Variants in MYT1L observed in about 807,000 individuals in gnomAD.
MYT1L encodes myelin transcription factor 1-like protein.
MYT1L carries 12 observed loss-of-function variants against 126.7 expected under a neutral mutation model. The ratio of observed to expected loss-of-function variants is 0.09; its 90% confidence interval spans 0.06 to 0.15. The LOEUF (loss-of-function observed/expected upper bound fraction) is 0.15. Among genes scored for constraint, MYT1L ranks in the 10% least tolerant of loss-of-function variants. MYT1L has a pLI of 1.00. For missense variants in MYT1L, 979 were observed against 1,585.2 expected (o/e 0.62, Z 6.49); for synonymous variants, 541 against 604.2 (o/e 0.90, Z 1.53).
intron 8 of MYT1L, among the ~76,000 whole-genome samples, chr2:1,958,273 C>T (rs1221896253): frequency 1.3e-5 from 2 of 152,018 alleles, no homozygotes; most frequent in Admixed American, 1.3e-4. Flanking sequence ...GCAGATGGAA[C>T]CCAGAGAGCC....
chr2:1,865,979 G>A (rs1385709483), intron 18 of MYT1L, among the ~76,000 whole-genome samples: 2 of 152,202 alleles, frequency 1.3e-5, no homozygotes, highest in African/African-American at 4.8e-5. Context: ...TTGAACCCAA[G>A]CTGTCCCACC....
chr2:2,150,452 A>G (rs988726924), intron 3 of MYT1L, among the ~76,000 whole-genome samples: 2 of 152,230 alleles, frequency 1.3e-5, no homozygotes, highest in African/African-American at 4.8e-5. Flanking sequence ...TAACTTGAAA[A>G]AAATAAGTCA....
intron 18 of MYT1L, among the ~76,000 whole-genome samples, chr2:1,872,329 G>A (rs1244953043): frequency 6.6e-6 from 1 of 152,180 alleles, no homozygotes; most frequent in Non-Finnish European, 1.5e-5. Context: ...CCAGAATTAA[G>A]GCAGTTTGAA....
At chr2:1,983,354 T>C (rs1558625296) in intron 5 of MYT1L, among the ~76,000 whole-genome samples, 2 of 152,246 alleles carry the variant, frequency 1.3e-5, no homozygotes, top group African/African-American at 2.4e-5. Flanking sequence ...TTCTTTCCCT[T>C]TCAGCCAATG....
intron 4 of MYT1L, among the ~76,000 whole-genome samples, chr2:2,019,234 G>A (rs2064773355): frequency 6.6e-6 from 1 of 152,066 alleles, no homozygotes; most frequent in Admixed American, 6.6e-5. Context: ...TGCTGTTCTT[G>A]TGACAGTGAG....
At chr2:1,822,718 T>C (rs4581923) in intron 21 of MYT1L, among the ~76,000 whole-genome samples, 51,181 of 151,740 alleles carry the variant, frequency 0.34, 9,469 homozygotes, top group East Asian at 0.65. Flanking sequence ...GATATCTGGG[T>C]CCCTGGCAGT....
chr2:2,262,043 G>C (rs2094981332), intron 2 of MYT1L, among the ~76,000 whole-genome samples: 1 of 152,180 alleles, frequency 6.6e-6, no homozygotes, highest in African/African-American at 2.4e-5. Flanking sequence ...ATCCATGGGT[G>C]CAATTGAGAC....
chr2:1,927,145 C>T (rs2149138971), intron 9 of MYT1L, among the ~76,000 whole-genome samples: 1 of 152,264 alleles, frequency 6.6e-6, no homozygotes, highest in South Asian at 2.1e-4. Flanking sequence ...ACCGCACTGG[C>T]ACGGAAATCA....
At chr2:1,871,877 A>C (rs2046323570) in intron 18 of MYT1L, among the ~76,000 whole-genome samples, 1 of 152,194 alleles carries the variant, frequency 6.6e-6, no homozygotes, top group African/African-American at 2.4e-5. Context: ...ACTGATAGTA[A>C]GAGGTGACCA....
chr2:2,163,933 G>C (rs568915685), intron 3 of MYT1L, among the ~76,000 whole-genome samples: 4 of 152,148 alleles, frequency 2.6e-5, no homozygotes, highest in Admixed American at 2.0e-4. Flanking sequence ...TTTTCATTGA[G>C]AGAAATAATT....
rs573666769 is a variant in MYT1L at position 2,259,978 on chromosome 2, T to A, written c.-421+24426A>T. On this transcript the variant is annotated intron_variant, in intron 2 of 24. Coordinates refer to ENST00000647738, the MANE Select transcript of MYT1L (RefSeq NM_001303052.2). Reference sequence around the variant, plus strand: ...AAGCTCCTTCACATGGCTCTTCCACTGCAGCCTCCCCAGCCCAGGCTCTGA... The same window carrying A: ...AAGCTCCTTCACATGGCTCTTCCACAGCAGCCTCCCCAGCCCAGGCTCTGA... 2.0e-5 allele frequency among the ~76,000 whole-genome samples: 3 copies of A among 152,346 alleles called. No individual in the cohort carries two copies. The South Asian group carries it at 6.2e-4, about 32-fold the overall frequency.
chr2:1,939,159 C>T (rs760452504), intron 9 of MYT1L, among the ~76,000 whole-genome samples: 5 of 152,216 alleles, frequency 3.3e-5, no homozygotes, highest in Non-Finnish European at 5.9e-5. Context: ...CCCTGTGCCA[C>T]GCAGGATGGG....
At chr2:2,100,359 A>C (rs1457764626) in intron 3 of MYT1L, among the ~76,000 whole-genome samples, 1 of 152,304 alleles carries the variant, frequency 6.6e-6, no homozygotes, top group African/African-American at 2.4e-5. Flanking sequence ...CAAATATAGT[A>C]ACATTTTTTT....
At position 1,922,299 on chromosome 2, in the gene MYT1L, T is replaced by A; in HGVS notation, c.1470A>T (p.Pro490=). 6.2e-7 allele frequency: 1 copy of A among 1,613,832 alleles called. No homozygotes were observed. The highest frequency in any genetic ancestry group is 1.1e-5 in the South Asian group (1 of 91,074). The change falls in exon 10 of 25, where the codon CCA becomes CCT. Residue 490 remains proline (P), a synonymous_variant. Coordinates refer to ENST00000647738, the MANE Select transcript of MYT1L (RefSeq NM_001303052.2). This position sits in a 1 kb window ranked among gnomAD's most constrained non-coding sequence, Gnocchi z 7.4. Reference sequence around the variant, plus strand: ...TAGAAATATTACCTTTACCATAGTATGGCTTTTTGACATGGCTGTCACTGG... The same window carrying A: ...TAGAAATATTACCTTTACCATAGTAAGGCTTTTTGACATGGCTGTCACTGG... ...PKSSDSHVKK[P]YYGKDPSRTE... is the part of the protein sequence containing the mutation.
intron 18 of MYT1L, among the ~76,000 whole-genome samples, chr2:1,859,678 T>C (rs1040768356): frequency 1.3e-5 from 2 of 152,214 alleles, no homozygotes; most frequent in African/African-American, 4.8e-5. Context: ...ACAGCAGGAA[T>C]ATTGGCCAGG....
intron 21 of MYT1L, chr2:1,810,987 G>C (rs1386479128): frequency 6.6e-6 from 1 of 152,152 alleles, no homozygotes; most frequent in East Asian, 1.9e-4. Context: ...GGGGCGTATG[G>C]GAAGTGAGGA....
chr2:2,268,934 G>A (rs2095201054), intron 2 of MYT1L, among the ~76,000 whole-genome samples: 1 of 152,308 alleles, frequency 6.6e-6, no homozygotes, highest in South Asian at 2.1e-4. Flanking sequence ...ATGCCACTTT[G>A]ATTAACTCGT....
intron 5 of MYT1L, 30 bp downstream of exon 5, chr2:1,997,161 C>A (rs1038816431): frequency 6.6e-6 from 1 of 152,204 alleles, no homozygotes; most frequent in African/African-American, 2.4e-5. Flanking sequence ...GTGGGCTGCA[C>A]AGAACCGAGT....
intron 3 of MYT1L, among the ~76,000 whole-genome samples, chr2:2,144,023 A>C (rs911343713): frequency 2.0e-5 from 3 of 152,078 alleles, no homozygotes; most frequent in Non-Finnish European, 2.9e-5. Context: ...CAGTACCTGG[A>C]TCAACCGTAC....
Sources: gnomAD v4.1 joint callset for allele counts (sites outside exome capture counted in the v4.1 genomes callset) on GRCh38, gnomAD v4.1.1 for gene constraint, Gnocchi (gnomAD v3.1) non-coding constraint, MANE v1.5 for transcripts, NCBI Gene and HGNC (gene_info 2026-07-23, HGNC 2026-07-21) for gene names.